Variants in LETM2 observed in about 807,000 individuals in gnomAD.
The protein encoded by LETM2 is leucine zipper and EF-hand containing transmembrane protein 2.
A neutral mutation model predicts 59.6 loss-of-function variants in LETM2; 58 were observed. That is an observed-to-expected ratio of 0.97 (90% CI 0.79 to 1.21). The LOEUF is 1.21. LETM2 is among the 50% of genes most tolerant of loss of function. The pLI is 0.00. For missense variants in LETM2, 572 were observed against 575.7 expected (o/e 0.99, Z 0.07); for synonymous variants, 199 against 214.1 (o/e 0.93, Z 0.62).
chr8:38,407,958 G>A (rs1813865053), intron 10 of LETM2: 3 of 465,528 alleles, frequency 6.4e-6, no homozygotes, highest in Non-Finnish European at 1.2e-5. Context: ...AGTGGCTCCT[G>A]TGGACCAAAG....
At chr8:38,401,110 G>A in intron 6 of LETM2, 57 bp downstream of exon 6, 2 of 1,361,484 alleles carry the variant, frequency 1.5e-6, no homozygotes, top group Admixed American at 1.7e-5. Flanking sequence ...ATACCTTAGG[G>A]TGCCTGTGGG....
chr8:38,401,163 A>AC, intron 6 of LETM2, 110 bp downstream of exon 6: 1 of 898,828 alleles, frequency 1.1e-6, no homozygotes, highest in Non-Finnish European at 1.7e-6. Flanking sequence ...TGTTTTTGAG[A>AC]CAAAGTCTTG....
intron 2 of LETM2, among the ~76,000 whole-genome samples, chr8:38,391,900 C>A (rs1209766387): frequency 6.6e-6 from 1 of 151,972 alleles, no homozygotes; most frequent in African/African-American, 2.4e-5. Context: ...CCATGTTGGC[C>A]AGGCTGGTCT....
chr8:38,383,333 C>T (rs1467925025), upstream of LETM2: 1 of 152,142 alleles, frequency 6.6e-6, no homozygotes, highest in African/African-American at 2.4e-5. Flanking sequence ...TTTCCTGGGG[C>T]CTGGTGATAA....
chr8:38,408,374 CGG>C lies in LETM2; in HGVS notation c.*101_*102del. 9.5e-7 allele frequency: 1 copy of C among 1,054,096 alleles called. No homozygotes were observed. The highest frequency in any genetic ancestry group is 1.4e-6 in the Non-Finnish European group (1 of 702,628). 65.3% of individuals were successfully genotyped at this position (1,054,096 alleles called of 1,614,324 possible). ...GATAAGACTGTCTGGCTTCAGAGAG[CGG>C]ATCAGCTGTTTAGCCCGTGGGGCAG... On this transcript the variant is annotated 3_prime_UTR_variant, in exon 11 of 11. Coordinates refer to ENST00000379957, the MANE Select transcript of LETM2 (RefSeq NM_001286819.2).
upstream of LETM2, among the ~76,000 whole-genome samples, chr8:38,383,803 G>A (rs555763390): frequency 6.6e-6 from 1 of 151,618 alleles, no homozygotes; most frequent in Non-Finnish European, 1.5e-5. Flanking sequence ...GGTGGGGGGC[G>A]CCTGTAGTCC....
intron 9 of LETM2, 47 bp from the exon 10 acceptor site, chr8:38,407,315 C>G (rs756957415): frequency 7.5e-7 from 1 of 1,327,344 alleles, no homozygotes; most frequent in African/African-American, 1.4e-5. Context: ...GATTAATACA[C>G]ATTTTCTTTT....
At chr8:38,388,958 G>T (rs550186514) in intron 2 of LETM2, among the ~76,000 whole-genome samples, 1 of 151,902 alleles carries the variant, frequency 6.6e-6, no homozygotes, top group South Asian at 2.1e-4. Context: ...TACAGATGGG[G>T]TTTCGCCATG....
At chr8:38,397,226 G>A (rs1812760332) in intron 4 of LETM2, 1 of 447,002 alleles carries the variant, frequency 2.2e-6, no homozygotes, top group Non-Finnish European at 4.5e-6. Flanking sequence ...ACCCGGGCTG[G>A]AGTGCAGTGG....
Position 38,395,609 on chromosome 8 carries a change from G to A in LETM2, c.645+1368G>A, listed in dbSNP as rs570446116. ...CAGCTCACTGCAACCTCTGCTTCCC[G>A]GGTTCAAGTGATTCTCCTGCCTCAG... On this transcript the variant is annotated intron_variant, in intron 4 of 10. Coordinates refer to ENST00000379957, the MANE Select transcript of LETM2 (RefSeq NM_001286819.2). Among the ~76,000 whole-genome samples the A allele has an allele frequency of 1.4e-4, 21 of 151,942 alleles. No individual in the cohort carries two copies. The East Asian group carries it at 2.3e-3, about 17-fold the overall frequency.
chr8:38,392,805 G>A lies in LETM2; in HGVS notation c.311G>A (p.Ser104Asn). The A allele has an allele frequency of 6.2e-7, 1 of 1,614,110 alleles. No homozygotes were observed. Among genetic ancestry groups the A allele is most frequent in the Non-Finnish European group, 8.5e-7 (1 of 1,180,026 alleles). ...GCCACAAAACATCCACAGGTGACAA[G>A]CCCTCAGGCCACAAAAGAAACTGGC... ...EQATKHPQVT[S>N]PQATKETGME... Residue 104 changes from serine to asparagine, a missense_variant, in exon 3 of 11, where the codon AGC becomes AAC. Ser to Asn is a conservative substitution (Grantham distance 46, BLOSUM62 1). Coordinates refer to ENST00000379957, the MANE Select transcript of LETM2 (RefSeq NM_001286819.2).
chr8:38,392,840 AAAG>A lies in LETM2; in HGVS notation c.350_352del (p.Glu117del). 1.2e-6 allele frequency: 2 copies of A among 1,614,180 alleles called. No individual in the cohort carries two copies. Among genetic ancestry groups the A allele is most frequent in the Non-Finnish European group, 1.7e-6 (2 of 1,180,040 alleles). ...CACAAAAGAAACTGGCATGGAGATTAAAGAAGGCAAACAATCTTATAGACAAAA... is the reference window on the plus strand; with the variant it reads ...CACAAAAGAAACTGGCATGGAGATTAAAGGCAAACAATCTTATAGACAAAA... On this transcript the variant is annotated inframe_deletion, in exon 3 of 11. Coordinates refer to ENST00000379957, the MANE Select transcript of LETM2 (RefSeq NM_001286819.2).
chr8:38,404,674 C>T, intron 8 of LETM2, 168 bp downstream of exon 8: 1 of 585,058 alleles, frequency 1.7e-6, no homozygotes, highest in Non-Finnish European at 3.0e-6. Flanking sequence ...AACCAACCAA[C>T]CACAAACAAA....
Position 38,401,073 on chromosome 8 carries a change from T to C in LETM2, c.984+20T>C, listed in dbSNP as rs775163529. The C allele has an allele frequency of 3.8e-6, 6 of 1,594,116 alleles. No individual in the cohort carries two copies. The highest frequency in any genetic ancestry group is 5.2e-6 in the Non-Finnish European group (6 of 1,163,076). ...GATGAAGTAAGAGCTTAACCATAGC[T>C]CTAGGGAATTAGCAAGGTTTTGGGA... is the stretch of plus-strand genomic sequence containing the variant. On this transcript the variant is annotated intron_variant, in intron 6 of 10. Transcript: ENST00000379957.
upstream of LETM2, among the ~76,000 whole-genome samples, chr8:38,383,658 C>T (rs1188619692): frequency 6.6e-6 from 1 of 151,856 alleles, no homozygotes; most frequent in Admixed American, 6.6e-5. Flanking sequence ...TGGCTGGGCG[C>T]AGTGGCTCAC....
upstream of LETM2, among the ~76,000 whole-genome samples, chr8:38,385,383 G>A (rs1262695993): frequency 6.6e-6 from 1 of 152,070 alleles, no homozygotes; most frequent in African/African-American, 2.4e-5. Flanking sequence ...GTCGAGTAGA[G>A]CCACTAAGAA....
intron 4 of LETM2, among the ~76,000 whole-genome samples, chr8:38,398,272 C>G (rs1393164355): frequency 6.6e-6 from 1 of 152,070 alleles, no homozygotes; most frequent in Non-Finnish European, 1.5e-5. Flanking sequence ...AGAATTAATG[C>G]CATAACATTC....
chr8:38,404,207 G>A (rs1813497232), intron 7 of LETM2, 186 bp from the exon 8 acceptor site: 1 of 551,372 alleles, frequency 1.8e-6, no homozygotes, highest in South Asian at 2.3e-5. Flanking sequence ...AGGCTGTAGG[G>A]TGCCCCCTCA....
At chr8:38,400,242 TTGAG>T (rs764197860) in intron 4 of LETM2, 26 bp from the exon 5 acceptor site, 3 of 1,572,688 alleles carry the variant, frequency 1.9e-6, no homozygotes, top group South Asian at 1.2e-5. Flanking sequence ...TCACGAAGGA[TTGAG>T]TAACTTTTAT....
Sources: allele counts gnomAD v4.1 joint callset (sites outside exome capture counted in the v4.1 genomes callset), GRCh38; gene constraint gnomAD v4.1.1; transcripts MANE v1.5; gene names NCBI Gene and HGNC (gene_info 2026-07-23, HGNC 2026-07-21).